LRP2: variants seen among roughly 807,000 people sequenced by gnomAD.
The protein encoded by LRP2 is LDL receptor related protein 2, also known as low-density lipoprotein receptor-related protein 2.
LRP2 carries 172 observed loss-of-function variants against 531.0 expected under a neutral mutation model. The ratio of observed to expected loss-of-function variants is 0.32; its 90% confidence interval spans 0.29 to 0.37. LRP2 has a LOEUF of 0.37. Among genes scored for constraint, LRP2 ranks in the 10% least tolerant of loss-of-function variants. The probability of loss-of-function intolerance (pLI) is 1.00; values close to 1 mark genes in which losing one functional copy is unlikely to be tolerated. For synonymous variants in LRP2, 1,992 were observed against 2,027.6 expected, an observed-to-expected ratio of 0.98 and a Z score of 0.47; for missense variants, 5,167 against 5,868.3, an observed-to-expected ratio of 0.88 and a Z score of 3.90.
intron 37 of LRP2, among the ~76,000 whole-genome samples, chr2:169,210,527 C>A (rs922780870): frequency 6.6e-6 from 1 of 152,186 alleles, no homozygotes; most frequent in Non-Finnish European, 1.5e-5. Flanking sequence ...TTCATGAGAA[C>A]TGCAGGGTAA....
At chr2:169,161,205 C>A (rs77553267) in intron 63 of LRP2, among the ~76,000 whole-genome samples, 2,917 of 152,296 alleles carry the variant, frequency 0.019, 102 homozygotes, top group African/African-American at 0.065. Context: ...CTGCCTCTGA[C>A]ATTCTGTGTG....
intron 16 of LRP2, among the ~76,000 whole-genome samples, chr2:169,270,521 C>G (rs1421191782): frequency 2.0e-5 from 3 of 150,796 alleles, no homozygotes; most frequent in East Asian, 3.9e-4. Flanking sequence ...AAACCAAACA[C>G]CACATGTTCT....
chr2:169,139,185 C>A, intron 74 of LRP2, 66 bp downstream of exon 74: 1 of 1,607,830 alleles, frequency 6.2e-7, no homozygotes, highest in Non-Finnish European at 8.5e-7. Flanking sequence ...AAAACTAAGT[C>A]CTTCACATGG....
chr2:169,147,615 C>A (rs1685964922), intron 68 of LRP2, among the ~76,000 whole-genome samples: 1 of 152,284 alleles, frequency 6.6e-6, no homozygotes, highest in East Asian at 1.9e-4. Context: ...CCACACCCAG[C>A]AACTCTTTTT....
intron 16 of LRP2, among the ~76,000 whole-genome samples, chr2:169,263,201 T>C (rs972302099): frequency 2.6e-5 from 4 of 152,166 alleles, no homozygotes; most frequent in South Asian, 2.1e-4. Flanking sequence ...ACTTCATGTC[T>C]AAAACACCAA....
rs376367082 is a variant in LRP2 at position 169,259,103 on chromosome 2, C to T, written c.2435G>A (p.Arg812Lys). Residue 812 changes from arginine (R) to lysine (K), a missense_variant, in exon 17 of 79, where the codon AGG (arginine) becomes AAG (lysine). Arg to Lys is a conservative substitution (Grantham distance 26, BLOSUM62 2). Around this residue, in one of 6 missense-constraint regions of LRP2, gnomAD observed 2,811 missense variants for 3,058.0 expected, o/e 0.92. Transcript: ENST00000649046. The stretch of plus-strand genomic sequence containing the variant: ...TGTGCGTCTCGTTTTATCAGCTAGC[C>T]TCATGACACTGATACTCTTGTAATG... ...DSHYKSISVM[R>K]LADKTRRTVV... 250 of 1,613,104 alleles carry T rather than the reference C, an allele frequency of 1.5e-4. No individual in the cohort carries two copies. The highest frequency in any genetic ancestry group is 2.0e-4 in the Non-Finnish European group (235 of 1,179,412).
intron 4 of LRP2, among the ~76,000 whole-genome samples, chr2:169,299,519 G>T (rs557019201): frequency 6.9e-6 from 1 of 144,720 alleles, no homozygotes; most frequent in African/African-American, 2.6e-5. Context: ...GATAAAAACT[G>T]ACATAGTTCT....
At chr2:169,234,602 T>C (rs1276323260) in intron 29 of LRP2, among the ~76,000 whole-genome samples, 5 of 152,194 alleles carry the variant, frequency 3.3e-5, no homozygotes, top group African/African-American at 1.2e-4. Context: ...CATGTGTCTT[T>C]ATAGTAGAAT....
intron 44 of LRP2, among the ~76,000 whole-genome samples, chr2:169,199,431 C>A (rs1688114002): frequency 6.6e-6 from 1 of 151,976 alleles, no homozygotes; most frequent in Admixed American, 6.6e-5. Flanking sequence ...ACAATAACAA[C>A]AAAGAAAAGA....
At chr2:169,158,059 T>TGTACAC (rs1474427520) in intron 63 of LRP2, among the ~76,000 whole-genome samples, 1 of 82,546 alleles carries the variant, frequency 1.2e-5, no homozygotes, top group Admixed American at 1.4e-4. Context: ...CAATTGATTA[T>TGTACAC]ATACACACAC....
chr2:169,247,079 A>G, intron 20 of LRP2, 93 bp from the exon 21 acceptor site: 1 of 1,442,098 alleles, frequency 6.9e-7, no homozygotes, highest in Non-Finnish European at 9.5e-7. Context: ...ACAGGACAAA[A>G]CATTTTTCAG....
Position 169,294,764 on chromosome 2 carries a change from C to T in LRP2, c.428-54G>A, listed in dbSNP as rs899328846. ...AAGGAAAAGGAAACAGTAAACAAAC[C>T]TTAAATTTCCTTCAGCAAACATTTA... is the stretch of plus-strand genomic sequence containing the variant. On this transcript the variant is annotated intron_variant, in intron 4 of 78. Transcript: ENST00000649046. The T allele has an allele frequency of 1.3e-5, 15 of 1,147,778 alleles. No individual in the cohort carries two copies. The African/African-American group carries it at 2.0e-4, about 16-fold the overall frequency. The allele number at this position is 1,147,778 out of a possible 1,614,324, so 71.1% of individuals were successfully genotyped here.
At chr2:169,328,745 A>C (rs993242761) in intron 1 of LRP2, among the ~76,000 whole-genome samples, 1 of 152,194 alleles carries the variant, frequency 6.6e-6, no homozygotes, top group Non-Finnish European at 1.5e-5. Context: ...AACTCCCCCA[A>C]GGGCCACAAA....
At position 169,191,992 on chromosome 2, in the gene LRP2, C is replaced by A. The variant is rs1303301378; in HGVS notation, c.8872G>T (p.Asp2958Tyr). 7 of 1,613,882 alleles carry A rather than the reference C, an allele frequency of 4.3e-6. No homozygotes were observed. The Admixed American group carries it at 1.2e-4, about 27-fold the overall frequency. The change falls in exon 48 of 79, where the codon GAC (aspartate) becomes TAC (tyrosine). Residue 2958 changes from aspartate to tyrosine, a missense_variant. This residue lies in a region of LRP2 where 1,129 missense variants were observed against 1,362.7 expected (regional missense o/e 0.83). Transcript: ENST00000649046. ...CSDSEFLCVN[D>Y]RPPDRRCIPQ... The stretch of plus-strand genomic sequence containing the variant: ...ATGCACCTCCTGTCCGGAGGTCTGT[C>A]ATTTACACAGAGAAACTCGGAATCC...
intron 16 of LRP2, among the ~76,000 whole-genome samples, chr2:169,264,293 C>A (rs1690703708): frequency 6.6e-6 from 1 of 151,832 alleles, no homozygotes; most frequent in African/African-American, 2.4e-5. Flanking sequence ...GTAGGTTGCT[C>A]AGCATACGAA....
chr2:169,136,575 T>C (rs1051569994), intron 76 of LRP2, among the ~76,000 whole-genome samples: 1 of 152,008 alleles, frequency 6.6e-6, no homozygotes, highest in East Asian at 1.9e-4. Flanking sequence ...ACTGATGACA[T>C]TACCTTGTGA....
rs1243576464 is a variant in LRP2 at position 169,338,261 on chromosome 2, CAAAGAAAGAAAGAGAAAG to C, written c.80-17395_80-17378del. The stretch of plus-strand genomic sequence containing the variant: ...AGGGAAGGGAAGGGAGAAAGAAAAA[CAAAGAAAGAAAGAGAAAG>C]AAAGAAAGAAAAAAGGAAGGAAGAA... On this transcript the variant is annotated intron_variant, in intron 1 of 78. Transcript: ENST00000649046. 9.9e-5 allele frequency among the ~76,000 whole-genome samples: 11 copies of C among 111,290 alleles called. No homozygotes were observed. The East Asian group carries it at 2.6e-3, about 26-fold the overall frequency. 73.0% of individuals were successfully genotyped at this position (111,290 alleles called of 152,430 possible). A position where few individuals can be genotyped will look rare whatever the true frequency, so the allele number is the denominator to read the frequency against.
In LRP2 at chr2:169,165,900, C is replaced by A. The variant is rs548846416; in HGVS notation, c.11758+32G>T. The A allele has an allele frequency of 2.5e-6, 4 of 1,613,400 alleles. No individual in the cohort carries two copies. In the South Asian group the frequency reaches 4.4e-5, roughly 18 times the overall value. Reference sequence around the variant, plus strand: ...AACTGCAGACCACTTGGGGTCCTTCCTTTTTCCTTCTCCCTTTTGACTTTT... The same window carrying A: ...AACTGCAGACCACTTGGGGTCCTTCATTTTTCCTTCTCCCTTTTGACTTTT... On this transcript the variant is annotated intron_variant, in intron 62 of 78. Coordinates refer to ENST00000649046, the MANE Select transcript of LRP2 (RefSeq NM_004525.3).
chr2:169,273,196 T>C, intron 14 of LRP2, 129 bp from the exon 15 acceptor site: 3 of 922,126 alleles, frequency 3.3e-6, no homozygotes, highest in South Asian at 2.8e-5. Flanking sequence ...GTTGAAAACA[T>C]TACTACTGGT....
Sources: allele counts gnomAD v4.1 joint callset (sites outside exome capture counted in the v4.1 genomes callset), GRCh38; gene constraint gnomAD v4.1.1; regional missense constraint gnomAD v4.1.1; transcripts MANE v1.5; gene names NCBI Gene and HGNC (gene_info 2026-07-23, HGNC 2026-07-21).